The following TBC1D2B variants were observed in gnomAD, a reference collection of about 807,000 sequenced individuals.
TBC1D2B encodes the protein TBC1 domain family, member 2B.
A neutral mutation model predicts 100.8 loss-of-function variants in TBC1D2B; 64 were observed. The observed-to-expected ratio is 0.64, with a 90% CI of 0.52 to 0.78. TBC1D2B has a LOEUF of 0.78. Among genes scored for constraint, TBC1D2B ranks in the 30% least tolerant of loss-of-function variants. The pLI is 0.00. For synonymous variants in TBC1D2B, 480 were observed against 479.7 expected, an observed-to-expected ratio of 1.00 and a Z score of -0.01; for missense variants, 1,052 against 1,218.4, an observed-to-expected ratio of 0.86 and a Z score of 2.03.
At chr15:78,013,841 G>A (rs1387223387) in intron 8 of TBC1D2B, among the ~76,000 whole-genome samples, 4 of 152,168 alleles carry the variant, frequency 2.6e-5, no homozygotes, top group Non-Finnish European at 5.9e-5. Context: ...TGTTGTTAAT[G>A]GAACGTTAAT....
intron 3 of TBC1D2B, among the ~76,000 whole-genome samples, chr15:78,040,513 C>T (rs2073049115): frequency 6.6e-6 from 1 of 150,740 alleles, no homozygotes; most frequent in Admixed American, 6.6e-5. Context: ...CATGCCACTA[C>T]ACTCCAGCCT....
Position 78,045,079 on chromosome 15 carries a change from A to G in TBC1D2B, c.515-11T>C, listed in dbSNP as rs1211985140. 1.9e-6 allele frequency: 3 copies of G among 1,589,876 alleles called. No individual in the cohort carries two copies. The highest frequency in any genetic ancestry group is 3.5e-5 in the Admixed American group (2 of 56,722). ...GTGGGTAAATTAAATCTGAAAAAAA[A>G]GGTAAACAAATGTCAGTTACTCAAA... On this transcript the variant is annotated splice_polypyrimidine_tract_variant and intron_variant, in intron 2 of 12. Transcript: ENST00000300584.
chr15:78,040,113 G>A (rs574712622), intron 3 of TBC1D2B, among the ~76,000 whole-genome samples: 32 of 152,238 alleles, frequency 2.1e-4, no homozygotes, highest in African/African-American at 7.5e-4. Context: ...TCCAATGCAC[G>A]CTCACACGTG....
chr15:78,013,493 A>C (rs1217717010), intron 8 of TBC1D2B, among the ~76,000 whole-genome samples, 176 bp from the exon 9 acceptor site: 1 of 152,228 alleles, frequency 6.6e-6, no homozygotes, highest in Non-Finnish European at 1.5e-5. Flanking sequence ...AGCTAGGAGG[A>C]CTGGCTATCT....
At chr15:78,005,481 C>T (rs549320865) in intron 10 of TBC1D2B, among the ~76,000 whole-genome samples, 49 of 152,298 alleles carry the variant, frequency 3.2e-4, no homozygotes, top group Non-Finnish European at 6.3e-4. Context: ...CAAAGCTATC[C>T]GCATTTTAAG....
chr15:78,006,719 G>C (rs966451304), intron 10 of TBC1D2B, among the ~76,000 whole-genome samples: 1 of 152,170 alleles, frequency 6.6e-6, no homozygotes, highest in African/African-American at 2.4e-5. Context: ...AGTCAAATAG[G>C]GATACTGATG....
At chr15:78,073,784 A>G (rs2073777547) in intron 1 of TBC1D2B, among the ~76,000 whole-genome samples, 1 of 152,022 alleles carries the variant, frequency 6.6e-6, no homozygotes. Flanking sequence ...AGCCTGGCCA[A>G]TATGGTGAAA....
At chr15:78,052,875 G>A (rs868661488) in intron 2 of TBC1D2B, among the ~76,000 whole-genome samples, 21 of 152,172 alleles carry the variant, frequency 1.4e-4, no homozygotes, top group Admixed American at 3.9e-4. Context: ...ACTCGACTCT[G>A]AACGAAACAT....
intron 9 of TBC1D2B, among the ~76,000 whole-genome samples, chr15:78,010,548 T>A (rs2072196490): frequency 6.6e-6 from 1 of 151,610 alleles, no homozygotes; most frequent in Non-Finnish European, 1.5e-5. Context: ...TATGCAGGGA[T>A]GGGATGGAAA....
chr15:78,027,217 A>G (rs2072693612), intron 4 of TBC1D2B, among the ~76,000 whole-genome samples: 1 of 152,170 alleles, frequency 6.6e-6, no homozygotes. Context: ...GAATCAGTAC[A>G]GTGGTTCCCT....
rs9047 is a variant in TBC1D2B at position 78,077,473 on chromosome 15, G to C, written c.180C>G (p.Phe60Leu). 1.3e-6 allele frequency: 2 copies of C among 1,535,652 alleles called. No individual in the cohort carries two copies. Among genetic ancestry groups the C allele is most frequent in the African/African-American group, 1.4e-5 (1 of 70,564 alleles). The change falls in exon 1 of 13, where the codon TTC becomes TTG. Residue 60 changes from phenylalanine (F) to leucine (L), a missense_variant. This residue lies in a region of TBC1D2B where 627 missense variants were observed against 646.1 expected (regional missense o/e 0.97). Transcript: ENST00000300584. ...AGTAAAGGTAGCAGCGGCGCGCGTC[G>C]AACACGAACCAGCGGCTGCGGTAGC... ...LRGYRSRWFV[F>L]DARRCYLYYF...
chr15:78,074,148 C>T (rs980989045), intron 1 of TBC1D2B, among the ~76,000 whole-genome samples: 15 of 151,672 alleles, frequency 9.9e-5, no homozygotes, highest in African/African-American at 3.1e-4. Flanking sequence ...CTCAGCCTCG[C>T]GAGCAGCTGG....
chr15:78,008,510 C>A (rs774959722), intron 10 of TBC1D2B, among the ~76,000 whole-genome samples: 9 of 152,240 alleles, frequency 5.9e-5, no homozygotes, highest in Non-Finnish European at 1.0e-4. Context: ...GTGGTCACTG[C>A]ACAGGGTCTG....
chr15:78,024,077 C>G, intron 6 of TBC1D2B, 79 bp downstream of exon 6: 1 of 1,490,998 alleles, frequency 6.7e-7, no homozygotes, highest in Non-Finnish European at 8.9e-7. Flanking sequence ...CACACCAAAT[C>G]AGCTCACGGA....
At chr15:78,077,074 A>C (rs968409421) in intron 1 of TBC1D2B, among the ~76,000 whole-genome samples, 1 of 152,224 alleles carries the variant, frequency 6.6e-6, no homozygotes, top group Non-Finnish European at 1.5e-5. Context: ...TGTCTGAGAA[A>C]GGAGACGGGG....
intron 3 of TBC1D2B, among the ~76,000 whole-genome samples, chr15:78,040,855 G>GAAGGAAGAAAGAAAGAAAAAGA (rs71447186): frequency 1.3e-5 from 1 of 74,668 alleles, no homozygotes; most frequent in Non-Finnish European, 2.7e-5. Flanking sequence ...AGAAAGAAAG[G>GAAGGAAGAAAGAAAGAAAAAGA]AAGAAAGAAA....
chr15:78,000,543 G>C (rs914060899), intron 12 of TBC1D2B, among the ~76,000 whole-genome samples: 1 of 152,230 alleles, frequency 6.6e-6, no homozygotes, highest in African/African-American at 2.4e-5. Context: ...TCATTTGGCA[G>C]AAATCAGGGC....
intron 4 of TBC1D2B, among the ~76,000 whole-genome samples, chr15:78,028,652 G>A (rs1050137678): frequency 1.3e-5 from 2 of 152,246 alleles, no homozygotes; most frequent in African/African-American, 4.8e-5. Context: ...GAAGCACGCA[G>A]CATCTCCCCA....
intron 1 of TBC1D2B, among the ~76,000 whole-genome samples, chr15:78,076,875 C>T (rs2073837160): frequency 2.0e-5 from 3 of 152,226 alleles, no homozygotes. Flanking sequence ...CAGAGGAGGC[C>T]GCTGCAGCCC....
Sources: allele counts gnomAD v4.1 joint callset (sites outside exome capture counted in the v4.1 genomes callset), GRCh38; gene constraint gnomAD v4.1.1; regional missense constraint gnomAD v4.1.1; transcripts MANE v1.5; gene names NCBI Gene and HGNC (gene_info 2026-07-23, HGNC 2026-07-21).